Variants in SLC16A9 observed in about 807,000 individuals in gnomAD.
SLC16A9 encodes the protein monocarboxylate transporter 9.
SLC16A9 carries 26 observed loss-of-function variants against 44.3 expected under a neutral mutation model. That is an observed-to-expected ratio of 0.59 (90% CI 0.43 to 0.81). The LOEUF (loss-of-function observed/expected upper bound fraction) is 0.81. Among genes scored for constraint, SLC16A9 ranks in the 40% least tolerant of loss-of-function variants. SLC16A9 has a pLI of 0.00. For synonymous variants in SLC16A9, 230 were observed against 225.1 expected (o/e 1.02, Z -0.19); for missense variants, 559 against 595.8 (o/e 0.94, Z 0.64).
chr10:59,681,810 GTATA>G (rs55997635), intron 2 of SLC16A9, among the ~76,000 whole-genome samples: 3 of 5,120 alleles, frequency 5.9e-4, no homozygotes, highest in East Asian at 8.1e-3. Context: ...ATATGTATAT[GTATA>G]TATGATGTAT....
chr10:59,677,063 T>TCACACACACACACACACACACACA (rs57206841), intron 2 of SLC16A9, among the ~76,000 whole-genome samples: 42 of 149,238 alleles, frequency 2.8e-4, no homozygotes, highest in African/African-American at 8.9e-4. Context: ...AATAGGAACT[T>TCACACACACACACACACACACACA]CACACACACA....
intron 1 of SLC16A9, among the ~76,000 whole-genome samples, chr10:59,693,610 A>ATTAT (rs144381389): frequency 0.029 from 4,454 of 151,116 alleles, 213 homozygotes; most frequent in African/African-American, 0.1. Flanking sequence ...AATTTTATGT[A>ATTAT]TTATTTATTT....
At chr10:59,690,289 T>A (rs1564709811) in intron 1 of SLC16A9, among the ~76,000 whole-genome samples, 1 of 152,204 alleles carries the variant, frequency 6.6e-6, no homozygotes, top group Non-Finnish European at 1.5e-5. Flanking sequence ...AGAAGGCATA[T>A]AAGGTATGGT....
intron 3 of SLC16A9, among the ~76,000 whole-genome samples, chr10:59,665,717 C>T (rs1839599319): frequency 6.6e-6 from 1 of 152,106 alleles, no homozygotes; most frequent in South Asian, 2.1e-4. Flanking sequence ...TTTCTGAAAG[C>T]CTTTGGAGGC....
At position 59,672,755 on chromosome 10, in the gene SLC16A9, G is replaced by T; in HGVS notation, c.340+15C>A. On this transcript the variant is annotated intron_variant, in intron 3 of 5. Coordinates refer to ENST00000395348, the MANE Select transcript of SLC16A9 (RefSeq NM_194298.3). ...TCTTGAAGGTTAGGAAAGTCATAGT[G>T]ACGAGGTTCCTTACCTACAACAATG... is the stretch of plus-strand genomic sequence containing the variant. The T allele has an allele frequency of 6.2e-7, 1 of 1,607,596 alleles. No homozygotes were observed. Among genetic ancestry groups the T allele is most frequent in the South Asian group, 1.1e-5 (1 of 89,708 alleles).
intron 1 of SLC16A9, among the ~76,000 whole-genome samples, chr10:59,692,648 G>A (rs1280736747): frequency 6.6e-6 from 1 of 152,112 alleles, no homozygotes; most frequent in Non-Finnish European, 1.5e-5. Flanking sequence ...TAGGTAACAA[G>A]TTTTATAAAC....
At chr10:59,675,035 C>T (rs1224955425) in intron 2 of SLC16A9, among the ~76,000 whole-genome samples, 1 of 152,132 alleles carries the variant, frequency 6.6e-6, no homozygotes, top group Admixed American at 6.5e-5. Context: ...CAGAAATTCT[C>T]TTACAGTGGA....
At position 59,654,066 on chromosome 10, in the gene SLC16A9, C is replaced by A. The variant is rs1264540620; in HGVS notation, c.960G>T (p.Gly320=). Residue 320 remains glycine, a synonymous_variant, in exon 5 of 6, where the codon GGG becomes GGT. Transcript: ENST00000395348. ...CTTCCATAAGTAATGAAGGTGGAAA[C>A]CCTCCGATGTCAAAGAGTAAGATAG... is the stretch of plus-strand genomic sequence containing the variant. ...FIAILLFDIG[G]FPPSLLMEDV... is the part of the protein sequence containing the mutation. The A allele has an allele frequency of 2.5e-6, 4 of 1,614,028 alleles. No individual in the cohort carries two copies. Among genetic ancestry groups the A allele is most frequent in the South Asian group, 2.2e-5 (2 of 91,076 alleles).
rs1434631092 is a variant in SLC16A9, at chr10:59,684,077, CATTA to C, written c.196+15_196+18del. On this transcript the variant is annotated intron_variant, in intron 2 of 5. Coordinates refer to ENST00000395348, the MANE Select transcript of SLC16A9 (RefSeq NM_194298.3). ...TAAATGATTAAAGAGTAAAGAGAGG[CATTA>C]ATTTATCCACTTACTTGCAAGCAAG... The C allele has an allele frequency of 2.1e-5, 33 of 1,594,386 alleles. No individual in the cohort carries two copies. Among genetic ancestry groups the C allele is most frequent in the Non-Finnish European group, 2.8e-5 (33 of 1,165,560 alleles).
intron 1 of SLC16A9, among the ~76,000 whole-genome samples, chr10:59,697,217 C>T (rs1344587626): frequency 4.0e-5 from 6 of 151,462 alleles, no homozygotes; most frequent in Non-Finnish European, 8.9e-5. Flanking sequence ...CGGCCACCAC[C>T]CCGTCTGGGA....
At chr10:59,668,279 C>G (rs1839667678) in intron 3 of SLC16A9, among the ~76,000 whole-genome samples, 1 of 152,184 alleles carries the variant, frequency 6.6e-6, no homozygotes, top group Admixed American at 6.6e-5. Context: ...TCTGTGCATT[C>G]CTTAACAAAC....
In SLC16A9 at chr10:59,654,498, A is replaced by C; in HGVS notation, c.528T>G (p.Ala176=). Residue 176 remains alanine, a synonymous_variant, in exon 5 of 6, where the codon GCT becomes GCG. Coordinates refer to ENST00000395348, the MANE Select transcript of SLC16A9 (RefSeq NM_194298.3). ...GLDGCLLIVG[A]LALNILACGS... ...CACAGGCTAATATATTTAAAGCTAA[A>C]GCACCCACAATCAGCAAGCATCCAT... is the stretch of plus-strand genomic sequence containing the variant. The C allele has an allele frequency of 1.2e-6, 2 of 1,611,670 alleles. No homozygotes were observed. Among genetic ancestry groups the C allele is most frequent in the Non-Finnish European group, 1.7e-6 (2 of 1,180,016 alleles).
At chr10:59,687,539 A>T (rs1434516868) in intron 1 of SLC16A9, among the ~76,000 whole-genome samples, 1 of 152,190 alleles carries the variant, frequency 6.6e-6, no homozygotes, top group African/African-American at 2.4e-5. Context: ...ATTGGATTAA[A>T]TTTCCTTGGT....
chr10:59,703,766 C>T (rs1009059042), intron 1 of SLC16A9, among the ~76,000 whole-genome samples: 12 of 151,524 alleles, frequency 7.9e-5, no homozygotes, highest in South Asian at 4.2e-4. Context: ...TCGCCCAGGC[C>T]GGAGTGCAGT....
rs982899957 is a variant in SLC16A9, at chr10:59,652,912, A to G, written c.1390T>C (p.Phe464Leu). The change falls in exon 6 of 6, where the codon TTT becomes CTT. Residue 464 changes from phenylalanine to leucine, a missense_variant. Coordinates refer to ENST00000395348, the MANE Select transcript of SLC16A9 (RefSeq NM_194298.3). ...AGGACGCAGAAGCCACTAAAATAAA[A>G]TGCAATATCATAGGTCTGGGTCCAG... is the stretch of plus-strand genomic sequence containing the variant. ...YDWTQTYDIAFYFSGFCVLLG... is the reference protein window; with the variant it reads ...YDWTQTYDIALYFSGFCVLLG... 1 of 1,613,594 alleles carries G rather than the reference A, an allele frequency of 6.2e-7. No individual in the cohort carries two copies. The highest frequency in any genetic ancestry group is 2.2e-5 in the East Asian group (1 of 44,872).
In SLC16A9 at chr10:59,691,737, AG is replaced by A. The variant is rs2132514567; in HGVS notation, c.-36-7411del. ...CATTCACAATAAAGCTTTAAGTTCC[AG>A]CACCTTCGATTATGTTTAGTTCTGC... is the stretch of plus-strand genomic sequence containing the variant. On this transcript the variant is annotated intron_variant, in intron 1 of 5. Transcript: ENST00000395348. Among the ~76,000 whole-genome samples, 17 of 152,338 alleles carry A rather than the reference AG, an allele frequency of 1.1e-4. 2 individuals carry two copies. The South Asian group carries it at 3.5e-3, about 32-fold the overall frequency.
intron 1 of SLC16A9, among the ~76,000 whole-genome samples, chr10:59,705,233 T>C (rs2132555120): frequency 6.6e-6 from 1 of 151,446 alleles, no homozygotes; most frequent in Admixed American, 6.6e-5. Flanking sequence ...AAGATAAAAT[T>C]AATCCAAATG....
chr10:59,672,750 A>T lies in SLC16A9; in HGVS notation c.340+20T>A. 6.2e-7 allele frequency: 1 copy of T among 1,606,116 alleles called. No individual in the cohort carries two copies. Among genetic ancestry groups the T allele is most frequent in the South Asian group, 1.1e-5 (1 of 89,510 alleles). Reference sequence around the variant, plus strand: ...GTATCTCTTGAAGGTTAGGAAAGTCATAGTGACGAGGTTCCTTACCTACAA... The same window carrying T: ...GTATCTCTTGAAGGTTAGGAAAGTCTTAGTGACGAGGTTCCTTACCTACAA... On this transcript the variant is annotated intron_variant, in intron 3 of 5. Transcript: ENST00000395348.
chr10:59,654,054 T>C lies in SLC16A9; in HGVS notation c.972A>G (p.Ser324=). 1 of 1,614,066 alleles carries C rather than the reference T, an allele frequency of 6.2e-7. No homozygotes were observed. The highest frequency in any genetic ancestry group is 8.5e-7 in the Non-Finnish European group (1 of 1,180,020). ...LLFDIGGFPP[S]LLMEDVARSS... is the part of the protein sequence containing the mutation. The stretch of plus-strand genomic sequence containing the variant: ...TTCTTGCTACATCTTCCATAAGTAA[T>C]GAAGGTGGAAACCCTCCGATGTCAA... Residue 324 remains serine (S), a synonymous_variant, in exon 5 of 6, where the codon TCA becomes TCG. Coordinates refer to ENST00000395348, the MANE Select transcript of SLC16A9 (RefSeq NM_194298.3).
Sources: gnomAD v4.1 joint callset for allele counts (sites outside exome capture counted in the v4.1 genomes callset) on GRCh38, gnomAD v4.1.1 for gene constraint, MANE v1.5 for transcripts, NCBI Gene and HGNC (gene_info 2026-07-23, HGNC 2026-07-21) for gene names.